The following CHD2 variants were observed in gnomAD, a reference collection of about 807,000 sequenced individuals.
CHD2 encodes chromodomain helicase DNA binding protein 2.
A neutral mutation model predicts 243.9 loss-of-function variants in CHD2; 28 were observed. That is an observed-to-expected ratio of 0.11 (90% CI 0.09 to 0.16). CHD2 has a LOEUF of 0.16. Among genes scored for constraint, CHD2 ranks in the 10% least tolerant of loss-of-function variants. CHD2 has a pLI of 1.00. For synonymous variants in CHD2, 775 were observed against 779.0 expected (o/e 0.99, Z 0.09); for missense variants, 1,386 against 2,209.8 (o/e 0.63, Z 7.47).
In CHD2 at chr15:92,990,626, G is replaced by A. The variant is rs1330457129; in HGVS notation, c.3414-850G>A. Among the ~76,000 whole-genome samples the A allele has an allele frequency of 2.0e-5, 3 of 152,266 alleles. No homozygotes were observed. The East Asian group carries it at 5.8e-4, about 29-fold the overall frequency. ...CTTTCCTAACCTTTGTATCTGCGCT[G>A]TTCCTTTAATGTTGTTTTTAGCTAT... On this transcript the variant is annotated intron_variant, in intron 26 of 38. Transcript: ENST00000394196.
intron 10 of CHD2, 114 bp downstream of exon 10, chr15:92,944,629 GT>G: frequency 2.3e-6 from 1 of 429,780 alleles, no homozygotes; most frequent in Non-Finnish European, 4.2e-6. Context: ...CACGTGCTAG[GT>G]TTATTTTAAA....
intron 22 of CHD2, among the ~76,000 whole-genome samples, chr15:92,980,024 T>G (rs767316952): frequency 1.1e-3 from 151 of 138,404 alleles, no homozygotes; most frequent in Non-Finnish European, 2.0e-3. Flanking sequence ...TGTGGTGGTG[T>G]TTCAGCTATG....
At chr15:93,004,907 C>T (rs2054300835) in intron 34 of CHD2, among the ~76,000 whole-genome samples, 156 bp downstream of exon 34, 1 of 152,208 alleles carries the variant, frequency 6.6e-6, no homozygotes, top group East Asian at 1.9e-4. Flanking sequence ...ATGTGCTCTT[C>T]AGCAGGCTGG....
intron 35 of CHD2, among the ~76,000 whole-genome samples, chr15:93,009,945 T>C (rs936813947): frequency 2.6e-5 from 4 of 152,214 alleles, no homozygotes; most frequent in African/African-American, 9.6e-5. Flanking sequence ...ATAAGCTCTT[T>C]AGTGGTGATT....
At chr15:93,015,071 C>T (rs980343371) in intron 37 of CHD2, among the ~76,000 whole-genome samples, 162 bp downstream of exon 37, 1 of 151,996 alleles carries the variant, frequency 6.6e-6, no homozygotes, top group Non-Finnish European at 1.5e-5. Flanking sequence ...AAATAAAGAT[C>T]CCCCAATTTT....
At chr15:92,966,749 A>G (rs1029164340) in intron 16 of CHD2, among the ~76,000 whole-genome samples, 1 of 152,018 alleles carries the variant, frequency 6.6e-6, no homozygotes, top group Non-Finnish European at 1.5e-5. Flanking sequence ...TGTCTCTACT[A>G]AAAATACAAA....
intron 31 of CHD2, among the ~76,000 whole-genome samples, chr15:92,999,083 CAAAAAAAAAAAAAAAA>C (rs55738843): frequency 1.1e-4 from 7 of 65,542 alleles, no homozygotes; most frequent in African/African-American, 1.3e-4. Context: ...GACTCCGTCT[CAAAAAAAAAAAAAAAA>C]AAAAAAAAAA....
At chr15:92,905,446 T>G (rs1252026482) in intron 2 of CHD2, among the ~76,000 whole-genome samples, 1 of 152,202 alleles carries the variant, frequency 6.6e-6, no homozygotes, top group African/African-American at 2.4e-5. Context: ...TGGACAAAGT[T>G]TTTTTCCTGC....
rs1033069514 is a variant in CHD2 at position 92,907,673 on chromosome 15, A to G, written c.62+6374A>G. Reference sequence around the variant, plus strand: ...CATTTTAAAAATGTAGATAATGGTCATCTTCATTGGGTCATGAAGATTAAA... The same window carrying G: ...CATTTTAAAAATGTAGATAATGGTCGTCTTCATTGGGTCATGAAGATTAAA... On this transcript the variant is annotated intron_variant, in intron 2 of 38. Coordinates refer to ENST00000394196, the MANE Select transcript of CHD2 (RefSeq NM_001271.4). 6.6e-5 allele frequency among the ~76,000 whole-genome samples: 10 copies of G among 152,342 alleles called. No homozygotes were observed. The South Asian group carries it at 2.1e-3, about 32-fold the overall frequency.
At chr15:92,978,187 T>C (rs2141843121) in intron 20 of CHD2, 47 bp from the exon 21 acceptor site, 1 of 1,611,972 alleles carries the variant, frequency 6.2e-7, no homozygotes, top group Admixed American at 1.7e-5. Flanking sequence ...TGTGAAACTG[T>C]TTCTGAGAAG....
chr15:92,904,571 C>T (rs111796093), intron 2 of CHD2: 9 of 1,019,786 alleles, frequency 8.8e-6, no homozygotes, highest in East Asian at 1.9e-4. Context: ...GCAGTCTTGT[C>T]CGCCCTTGCC....
Position 92,983,704 on chromosome 15 carries a change from GATATTAAATA to G in CHD2, c.3067-620_3067-611del, listed in dbSNP as rs1193836384. ...ACTGTTTTAGTACAAATACATATCG[GATATTAAATA>G]ATATTTGATAAGAAATGAAGAGAAT... On this transcript the variant is annotated intron_variant, in intron 24 of 38. Transcript: ENST00000394196. Among the ~76,000 whole-genome samples, 6 of 152,238 alleles carry G rather than the reference GATATTAAATA, an allele frequency of 3.9e-5. No individual in the cohort carries two copies. The East Asian group carries it at 1.2e-3, about 29-fold the overall frequency.
In CHD2 at chr15:92,955,518, T is replaced by G; in HGVS notation, c.1809+6T>G. The G allele has an allele frequency of 6.4e-7, 1 of 1,567,746 alleles. No individual in the cohort carries two copies. The highest frequency in any genetic ancestry group is 1.7e-4 in the Middle Eastern group (1 of 5,990). On this transcript the variant is annotated splice_donor_region_variant and intron_variant, in intron 15 of 38. Coordinates refer to ENST00000394196, the MANE Select transcript of CHD2 (RefSeq NM_001271.4). ...AGATCCTCTTGAAAGATAAGGTGTG[T>G]AATTAATATCTAAAAGGCTAAATCT...
Position 92,900,452 on chromosome 15 carries a change from T to C in CHD2, c.-444T>C. 1 of 397,372 alleles carries C rather than the reference T, an allele frequency of 2.5e-6. No individual in the cohort carries two copies. The highest frequency in any genetic ancestry group is 4.4e-6 in the Non-Finnish European group (1 of 225,234). The allele number at this position is 397,372 out of a possible 1,614,324, so 24.6% of individuals were successfully genotyped here. ...GCCTCAGGGGGCCCCCGTAGCCCCC[T>C]GCCTTTCCTAGGGACTTACTGGGGT... On this transcript the variant is annotated 5_prime_UTR_variant, in exon 1 of 39. Coordinates refer to ENST00000394196, the MANE Select transcript of CHD2 (RefSeq NM_001271.4).
At chr15:93,023,182 T>A (rs1172159331) in intron 38 of CHD2, among the ~76,000 whole-genome samples, 1 of 152,218 alleles carries the variant, frequency 6.6e-6, no homozygotes, top group Non-Finnish European at 1.5e-5. Flanking sequence ...TCCTTCCCCA[T>A]TATTCCCTCT....
rs768551505 is a variant in CHD2 at position 93,019,996 on chromosome 15, C to T, written c.4907-16C>T. 1 of 1,602,448 alleles carries T rather than the reference C, an allele frequency of 6.2e-7. No homozygotes were observed. The highest frequency in any genetic ancestry group is 8.5e-7 in the Non-Finnish European group (1 of 1,172,118). On this transcript the variant is annotated splice_polypyrimidine_tract_variant and intron_variant, in intron 37 of 38. Transcript: ENST00000394196. ...CATTTCTTGCAGTCATCAGATCATT[C>T]TTTCTTTTCCTGCAGATCGAGGAGA...
At chr15:92,995,225 A>G (rs2054172200) in intron 28 of CHD2, among the ~76,000 whole-genome samples, 1 of 152,204 alleles carries the variant, frequency 6.6e-6, no homozygotes, top group Non-Finnish European at 1.5e-5. Flanking sequence ...TAATGCCACC[A>G]CCTTAATATA....
rs74952212 is a variant in CHD2 at position 92,910,257 on chromosome 15, A to G, written c.62+8958A>G. Among the ~76,000 whole-genome samples, 223 of 152,142 alleles carry G rather than the reference A, an allele frequency of 1.5e-3. 1 individual carries two copies. The highest frequency in any genetic ancestry group is 3.4e-3 in the Middle Eastern group (1 of 294). Reference sequence around the variant, plus strand: ...TGGGCATGAACCACCATGCCTGGCTATATGTATATTTTATTTAATATGAAA... The same window carrying G: ...TGGGCATGAACCACCATGCCTGGCTGTATGTATATTTTATTTAATATGAAA... On this transcript the variant is annotated intron_variant, in intron 2 of 38. Coordinates refer to ENST00000394196, the MANE Select transcript of CHD2 (RefSeq NM_001271.4).
chr15:92,957,858 C>A (rs1372789643), intron 16 of CHD2, among the ~76,000 whole-genome samples: 1 of 152,096 alleles, frequency 6.6e-6, no homozygotes, highest in Non-Finnish European at 1.5e-5. Context: ...AACCAGTAAT[C>A]AGCTTTTGTC....
Sources: gnomAD v4.1 joint callset for allele counts (sites outside exome capture counted in the v4.1 genomes callset) on GRCh38, gnomAD v4.1.1 for gene constraint, MANE v1.5 for transcripts, NCBI Gene and HGNC (gene_info 2026-07-23, HGNC 2026-07-21) for gene names.